Variants in PLCL1 observed in about 807,000 individuals in gnomAD.
The protein encoded by PLCL1 is inactive phospholipase C-like protein 1.
PLCL1 carries 41 observed loss-of-function variants against 84.4 expected under a neutral mutation model. That is an observed-to-expected ratio of 0.49 (90% CI 0.38 to 0.63). The LOEUF is 0.63. PLCL1 is among the 30% of genes least tolerant of loss of function. The probability of loss-of-function intolerance (pLI) is 0.00; values close to 1 mark genes in which losing one functional copy is unlikely to be tolerated. For missense variants in PLCL1, 1,206 were observed against 1,367.8 expected, an observed-to-expected ratio of 0.88 and a Z score of 1.87; for synonymous variants, 490 against 488.3, an observed-to-expected ratio of 1.00 and a Z score of -0.05.
rs1223495447 is a variant in PLCL1 at position 197,804,892 on chromosome 2, C to A, written c.-208C>A. 5.8e-6 allele frequency: 3 copies of A among 513,048 alleles called. No homozygotes were observed. Among genetic ancestry groups the A allele is most frequent in the East Asian group, 3.7e-5 (1 of 27,252 alleles). 31.8% of individuals were successfully genotyped at this position (513,048 alleles called of 1,614,324 possible). ...CCCGCCGGACTGCTAGCCTCCTAGACCGAAGCCCGAGGACGTCTCTGCCCG... is the reference window on the plus strand; with the variant it reads ...CCCGCCGGACTGCTAGCCTCCTAGAACGAAGCCCGAGGACGTCTCTGCCCG... On this transcript the variant is annotated 5_prime_UTR_variant, in exon 1 of 6. Transcript: ENST00000428675.
intron 1 of PLCL1, among the ~76,000 whole-genome samples, chr2:197,920,960 G>A (rs1364596062): frequency 6.6e-6 from 1 of 152,196 alleles, no homozygotes; most frequent in Non-Finnish European, 1.5e-5. Context: ...TGTCGCTAAC[G>A]ACAGGGCATT....
At chr2:198,123,650 T>C in intron 5 of PLCL1, among the ~76,000 whole-genome samples, 1 of 152,002 alleles carries the variant, frequency 6.6e-6, no homozygotes, top group Non-Finnish European at 1.5e-5. Context: ...TAAATTTCTG[T>C]TGCTTAAGCT....
chr2:197,883,873 C>T (rs979591929), intron 1 of PLCL1, among the ~76,000 whole-genome samples: 13 of 152,106 alleles, frequency 8.5e-5, no homozygotes, highest in African/African-American at 2.9e-4. Flanking sequence ...GATTTTGCTA[C>T]TGGGAACATT....
intron 3 of PLCL1, among the ~76,000 whole-genome samples, chr2:198,090,422 T>A (rs1332472662): frequency 6.6e-6 from 1 of 152,124 alleles, no homozygotes; most frequent in Non-Finnish European, 1.5e-5. Flanking sequence ...CTCTTTATAA[T>A]GAACCCAACT....
At chr2:198,038,537 G>T (rs776949746) in intron 1 of PLCL1, among the ~76,000 whole-genome samples, 4 of 151,948 alleles carry the variant, frequency 2.6e-5, no homozygotes, top group Non-Finnish European at 4.4e-5. Flanking sequence ...AATAATATTT[G>T]ATTTCTATCT....
At position 198,078,566 on chromosome 2, in the gene PLCL1, C is replaced by T. The variant is rs528297200; in HGVS notation, c.241-5192C>T. On this transcript the variant is annotated intron_variant, in intron 1 of 5. Transcript: ENST00000428675. ...TTAAGAGAACTTTTCAAATATAAATCTTTCCCTCCCTTACACTATGTAGCT... is the reference window on the plus strand; with the variant it reads ...TTAAGAGAACTTTTCAAATATAAATTTTTCCCTCCCTTACACTATGTAGCT... 2.0e-5 allele frequency among the ~76,000 whole-genome samples: 3 copies of T among 152,052 alleles called. No individual in the cohort carries two copies. In the East Asian group the frequency reaches 5.8e-4, roughly 29 times the overall value.
chr2:197,815,194 T>C (rs1173963672), intron 1 of PLCL1, among the ~76,000 whole-genome samples: 1 of 152,202 alleles, frequency 6.6e-6, no homozygotes, highest in African/African-American at 2.4e-5. Context: ...CCTGGGGTAA[T>C]GCATCTGGTA....
At chr2:197,853,597 A>G (rs1687277480) in intron 1 of PLCL1, among the ~76,000 whole-genome samples, 1 of 152,194 alleles carries the variant, frequency 6.6e-6, no homozygotes. Flanking sequence ...AGCCAGTAGC[A>G]ACAAAACGTG....
intron 1 of PLCL1, among the ~76,000 whole-genome samples, chr2:198,011,952 A>G (rs893452744): frequency 6.6e-6 from 1 of 152,090 alleles, no homozygotes; most frequent in Non-Finnish European, 1.5e-5. Flanking sequence ...TCCTGTTTAC[A>G]TAGAATATCT....
At chr2:197,813,548 TTAATC>T (rs1036334715) in intron 1 of PLCL1, among the ~76,000 whole-genome samples, 9 of 152,138 alleles carry the variant, frequency 5.9e-5, no homozygotes, top group African/African-American at 1.7e-4. Flanking sequence ...ATTTTTATGT[TTAATC>T]TAATATATAA....
chr2:198,072,783 A>T (rs1458715653), intron 1 of PLCL1, among the ~76,000 whole-genome samples: 2 of 152,046 alleles, frequency 1.3e-5, no homozygotes, highest in African/African-American at 4.8e-5. Flanking sequence ...ACATTGATGG[A>T]CTGTCTCATG....
chr2:197,920,652 G>C (rs1688683408), intron 1 of PLCL1, among the ~76,000 whole-genome samples: 1 of 152,190 alleles, frequency 6.6e-6, no homozygotes, highest in South Asian at 2.1e-4. Context: ...AGTTCTTACA[G>C]ACAGTGTCTA....
At chr2:197,897,102 CTTCTTCTTCT>C (rs1688151453) in intron 1 of PLCL1, among the ~76,000 whole-genome samples, 1 of 37,532 alleles carries the variant, frequency 2.7e-5, no homozygotes, top group South Asian at 1.0e-3. Context: ...ATGACTCCTT[CTTCTTCTTCT>C]TCTTCTTCTT....
At chr2:197,919,174 T>G (rs1688659085) in intron 1 of PLCL1, among the ~76,000 whole-genome samples, 1 of 152,116 alleles carries the variant, frequency 6.6e-6, no homozygotes, top group Non-Finnish European at 1.5e-5. Context: ...AAAACTAGCT[T>G]CTTTTGCTGG....
chr2:198,104,525 G>A (rs1693424564), intron 5 of PLCL1, among the ~76,000 whole-genome samples: 1 of 152,020 alleles, frequency 6.6e-6, no homozygotes, highest in Non-Finnish European at 1.5e-5. Flanking sequence ...CTTTATGGTA[G>A]AAGGAATTAT....
At chr2:198,123,905 C>T (rs192945589) in intron 5 of PLCL1, among the ~76,000 whole-genome samples, 2 of 152,190 alleles carry the variant, frequency 1.3e-5, no homozygotes, top group Admixed American at 1.3e-4. Flanking sequence ...TCCAGCCCCC[C>T]AGTCCATGGA....
intron 1 of PLCL1, among the ~76,000 whole-genome samples, chr2:197,950,869 T>C (rs941588737): frequency 1.6e-4 from 25 of 152,094 alleles, no homozygotes; most frequent in African/African-American, 5.1e-4. Flanking sequence ...GTAATAAAAT[T>C]GCATTGCAAA....
intron 5 of PLCL1, among the ~76,000 whole-genome samples, chr2:198,137,113 A>G (rs952091075): frequency 6.6e-6 from 1 of 152,170 alleles, no homozygotes; most frequent in Non-Finnish European, 1.5e-5. Flanking sequence ...CATGTGCACC[A>G]TATCATGTAA....
chr2:197,855,059 G>A (rs1687304661), intron 1 of PLCL1, among the ~76,000 whole-genome samples: 1 of 152,164 alleles, frequency 6.6e-6, no homozygotes, highest in African/African-American at 2.4e-5. Context: ...TATTCTGGGA[G>A]CAAGTAACTT....
Sources: allele counts gnomAD v4.1 joint callset (sites outside exome capture counted in the v4.1 genomes callset), GRCh38; gene constraint gnomAD v4.1.1; transcripts MANE v1.5; gene names NCBI Gene and HGNC (gene_info 2026-07-23, HGNC 2026-07-21).